Variants in TOX2 observed in about 807,000 individuals in gnomAD.
TOX2 encodes the protein granulosa cell HMG box 1.
A neutral mutation model predicts 47.4 loss-of-function variants in TOX2; 15 were observed. That is an observed-to-expected ratio of 0.32 (90% confidence interval 0.21 to 0.49). TOX2 has a LOEUF of 0.49. TOX2 is among the 20% of genes least tolerant of loss of function. TOX2 has a pLI of 0.99. For synonymous variants in TOX2, 290 were observed against 296.6 expected, an observed-to-expected ratio of 0.98 and a Z score of 0.23; for missense variants, 622 against 673.1, an observed-to-expected ratio of 0.92 and a Z score of 0.84.
chr20:44,061,021 GAAGA>G (rs1198303179), intron 5 of TOX2, among the ~76,000 whole-genome samples: 1 of 152,074 alleles, frequency 6.6e-6, no homozygotes, highest in Admixed American at 6.6e-5. Context: ...ACCAAGAAAA[GAAGA>G]GAGAAGATCC....
chr20:44,023,481 G>T (rs1454753035), intron 3 of TOX2, among the ~76,000 whole-genome samples: 1 of 148,158 alleles, frequency 6.7e-6, no homozygotes, highest in East Asian at 2.0e-4. Flanking sequence ...TGGATAGGAA[G>T]ATCTGGGTAG....
chr20:44,061,432 C>T (rs908752603), intron 5 of TOX2, among the ~76,000 whole-genome samples: 6 of 152,168 alleles, frequency 3.9e-5, no homozygotes, highest in Non-Finnish European at 5.9e-5. Flanking sequence ...GCCAGTATTC[C>T]TTCTATGCCC....
intron 8 of TOX2, among the ~76,000 whole-genome samples, chr20:44,067,638 C>T (rs888633008): frequency 6.6e-6 from 1 of 152,120 alleles, no homozygotes. Flanking sequence ...GCCTCTGTTC[C>T]TATCCTGCAC....
chr20:44,064,955 G>C (rs2071785958), intron 6 of TOX2, 98 bp downstream of exon 6: 1 of 1,130,872 alleles, frequency 8.8e-7, no homozygotes, highest in South Asian at 1.3e-5. Context: ...GGCACCCCAG[G>C]TCTTAGAAAG....
At chr20:44,040,781 C>T (rs895138647) in intron 3 of TOX2, among the ~76,000 whole-genome samples, 8 of 152,036 alleles carry the variant, frequency 5.3e-5, no homozygotes, top group African/African-American at 1.5e-4. Flanking sequence ...CCAGGTGAGT[C>T]GCTGGTGGGG....
intron 5 of TOX2, among the ~76,000 whole-genome samples, chr20:44,057,136 C>G (rs1327148377): frequency 6.6e-6 from 1 of 152,054 alleles, no homozygotes; most frequent in African/African-American, 2.4e-5. Flanking sequence ...GTTGCTCAGG[C>G]TGACAAACTC....
At chr20:43,933,882 C>G (rs2069288544) in intron 1 of TOX2, among the ~76,000 whole-genome samples, 1 of 152,112 alleles carries the variant, frequency 6.6e-6, no homozygotes, top group South Asian at 2.1e-4. Flanking sequence ...GTCATCCAGT[C>G]ACAGTATCTT....
chr20:43,920,657 C>G (rs1208217382), intron 1 of TOX2, among the ~76,000 whole-genome samples: 1 of 152,222 alleles, frequency 6.6e-6, no homozygotes, highest in African/African-American at 2.4e-5. Flanking sequence ...CAGCCCAAGC[C>G]TGGCACTGCT....
At chr20:43,931,705 G>C (rs1206445878) in intron 1 of TOX2, among the ~76,000 whole-genome samples, 1 of 152,186 alleles carries the variant, frequency 6.6e-6, no homozygotes, top group Non-Finnish European at 1.5e-5. Context: ...AATACTGGAC[G>C]GGGCAAGAGT....
rs555925034 is a variant in TOX2, at chr20:43,969,948, C to T, written c.100-3419C>T. ...CCCCCTTGCCTGCCCCTAACACACTCGTGTCGGAGACCAGGCCCCCTTGCC... is the reference window on the plus strand; with the variant it reads ...CCCCCTTGCCTGCCCCTAACACACTTGTGTCGGAGACCAGGCCCCCTTGCC... On this transcript the variant is annotated intron_variant, in intron 1 of 8. Coordinates refer to ENST00000341197, the MANE Select transcript of TOX2 (RefSeq NM_001098797.2). Among the ~76,000 whole-genome samples the T allele has an allele frequency of 5.3e-5, 8 of 152,304 alleles. No homozygotes were observed. In the South Asian group the frequency reaches 8.3e-4, roughly 16 times the overall value.
chr20:44,058,420 C>T (rs2071659991), intron 5 of TOX2, among the ~76,000 whole-genome samples: 2 of 150,986 alleles, frequency 1.3e-5, no homozygotes, highest in African/African-American at 2.4e-5. Context: ...CCTGCCCCTA[C>T]CTGATGGTCT....
chr20:43,916,779 G>GT lies in TOX2; in HGVS notation c.99+1790dup, dbSNP rs535150823. Among the ~76,000 whole-genome samples the GT allele has an allele frequency of 2.2e-4, 33 of 152,308 alleles. 1 individual carries two copies. In the South Asian group the frequency reaches 6.4e-3, roughly 30 times the overall value. On this transcript the variant is annotated intron_variant, in intron 1 of 8. Coordinates refer to ENST00000341197, the MANE Select transcript of TOX2 (RefSeq NM_001098797.2). This position sits in a 1 kb window ranked among gnomAD's most constrained non-coding sequence, Gnocchi z 5.0. ...CATTTGTGCCTCAAAGTCTGAGTGG[G>GT]TGGGGGTTTAGCCTGGAGCGCTCCG...
At chr20:44,056,733 T>C (rs958820431) in intron 5 of TOX2, among the ~76,000 whole-genome samples, 7 of 152,230 alleles carry the variant, frequency 4.6e-5, no homozygotes, top group Non-Finnish European at 1.0e-4. Flanking sequence ...CCCATTTTCC[T>C]AGCAAATTGT....
intron 3 of TOX2, among the ~76,000 whole-genome samples, chr20:44,050,561 C>T (rs368696719): frequency 1.9e-4 from 29 of 152,256 alleles, no homozygotes; most frequent in Admixed American, 9.8e-4. Context: ...ATCCTCAATG[C>T]GTGTTTAGTG....
At chr20:44,003,117 C>T (rs114357701) in intron 2 of TOX2, among the ~76,000 whole-genome samples, 1,714 of 151,878 alleles carry the variant, frequency 0.011, 33 homozygotes, top group African/African-American at 0.041. Context: ...AGCTCCAGGG[C>T]AATCATGAAG....
At chr20:43,994,954 C>A (rs1484267250) in intron 2 of TOX2, among the ~76,000 whole-genome samples, 2 of 152,138 alleles carry the variant, frequency 1.3e-5, no homozygotes, top group African/African-American at 4.8e-5. Flanking sequence ...AGATGCACTC[C>A]TGTGTGAGTG....
chr20:44,065,637 C>T, intron 6 of TOX2, 75 bp from the exon 7 acceptor site: 2 of 1,497,910 alleles, frequency 1.3e-6, no homozygotes, highest in Non-Finnish European at 1.8e-6. Context: ...GGTTGCAGAG[C>T]CTCCTGGCCT....
At chr20:44,039,367 A>G (rs1002055904) in intron 3 of TOX2, 25 of 1,238,358 alleles carry the variant, frequency 2.0e-5, no homozygotes, top group Non-Finnish European at 2.6e-5. Flanking sequence ...AGCATTTTAC[A>G]TGGCTAGGCC....
At chr20:44,027,649 C>G (rs1006275849) in intron 3 of TOX2, among the ~76,000 whole-genome samples, 1 of 152,172 alleles carries the variant, frequency 6.6e-6, no homozygotes, top group African/African-American at 2.4e-5. Context: ...AGTGGCTGGT[C>G]GAGCTCAAAT....
Sources: allele counts gnomAD v4.1 joint callset (sites outside exome capture counted in the v4.1 genomes callset), GRCh38; gene constraint gnomAD v4.1.1; non-coding constraint Gnocchi (gnomAD v3.1); transcripts MANE v1.5; gene names NCBI Gene and HGNC (gene_info 2026-07-23, HGNC 2026-07-21).